Variants in ITFG1 observed in about 807,000 individuals in gnomAD.
ITFG1 encodes integrin alpha FG-GAP repeat containing 1, also known as T-cell immunomodulatory protein.
Under a neutral mutation model 81.8 loss-of-function variants are expected in ITFG1, and 34 were observed. The ratio of observed to expected loss-of-function variants is 0.42; its 90% CI spans 0.32 to 0.55. The LOEUF is 0.55. Among genes scored for constraint, ITFG1 ranks in the 20% least tolerant of loss-of-function variants. The pLI is 0.17. For missense variants in ITFG1, 672 were observed against 755.4 expected (o/e 0.89, Z 1.29); for synonymous variants, 285 against 270.6 (o/e 1.05, Z -0.52).
chr16:47,160,869 T>C (rs1332305279), intron 16 of ITFG1, among the ~76,000 whole-genome samples: 1 of 152,156 alleles, frequency 6.6e-6, no homozygotes, highest in Admixed American at 6.5e-5. Context: ...GGTCATGAAG[T>C]GGCATAAGCT....
chr16:47,364,962 A>G (rs2151586556), intron 8 of ITFG1, among the ~76,000 whole-genome samples: 2 of 152,344 alleles, frequency 1.3e-5, no homozygotes, highest in East Asian at 3.9e-4. Context: ...TATAGGCGAG[A>G]GCCACTGTAC....
chr16:47,258,784 CA>C, intron 11 of ITFG1, 44 bp from the exon 12 acceptor site: 1 of 826,684 alleles, frequency 1.2e-6, no homozygotes, highest in Non-Finnish European at 1.9e-6. Flanking sequence ...ACTATTAGAC[CA>C]ACTAAAAAAA....
At chr16:47,208,804 T>A (rs562622156) in intron 14 of ITFG1, among the ~76,000 whole-genome samples, 5 of 152,212 alleles carry the variant, frequency 3.3e-5, no homozygotes, top group Admixed American at 6.5e-5. Context: ...TTAGGTTTAA[T>A]CAGTGTTATC....
At chr16:47,338,918 T>C (rs776962178) in intron 8 of ITFG1, among the ~76,000 whole-genome samples, 2 of 152,236 alleles carry the variant, frequency 1.3e-5, no homozygotes, top group Non-Finnish European at 2.9e-5. Context: ...TCTTTCTATT[T>C]GTTTTTGTAC....
intron 5 of ITFG1, among the ~76,000 whole-genome samples, chr16:47,438,028 A>G (rs112326359): frequency 6.6e-6 from 1 of 152,238 alleles, no homozygotes; most frequent in African/African-American, 2.4e-5. Flanking sequence ...GCACACCAGG[A>G]GATTACATCC....
chr16:47,207,090 A>G (rs1446685576), intron 14 of ITFG1, among the ~76,000 whole-genome samples: 1 of 150,184 alleles, frequency 6.7e-6, no homozygotes, highest in Non-Finnish European at 1.5e-5. Context: ...CTCTTATTTT[A>G]TTTTTTTTTT....
intron 8 of ITFG1, among the ~76,000 whole-genome samples, chr16:47,324,889 A>T (rs1218786974): frequency 1.3e-5 from 2 of 152,170 alleles, no homozygotes; most frequent in Admixed American, 6.6e-5. Context: ...ATAATGGGAG[A>T]CTTTAACACC....
chr16:47,245,334 A>C (rs1965988147), intron 12 of ITFG1, among the ~76,000 whole-genome samples: 1 of 151,982 alleles, frequency 6.6e-6, no homozygotes, highest in African/African-American at 2.4e-5. Context: ...GGGCAACAAG[A>C]GCAAAACTCT....
At chr16:47,342,082 C>T (rs1436882770) in intron 8 of ITFG1, among the ~76,000 whole-genome samples, 2 of 152,162 alleles carry the variant, frequency 1.3e-5, no homozygotes, top group Non-Finnish European at 2.9e-5. Flanking sequence ...GGCAGCATTA[C>T]TCTGATATCA....
chr16:47,176,548 T>C (rs1485510639), intron 14 of ITFG1, among the ~76,000 whole-genome samples: 1 of 152,202 alleles, frequency 6.6e-6, no homozygotes, highest in East Asian at 1.9e-4. Flanking sequence ...GCCAGTGGCA[T>C]TTCCTCTTAC....
intron 12 of ITFG1, among the ~76,000 whole-genome samples, chr16:47,255,912 G>A (rs946374597): frequency 2.0e-5 from 3 of 152,044 alleles, no homozygotes; most frequent in African/African-American, 4.8e-5. Context: ...CTAAAAATAC[G>A]CTGCTTTTCA....
At chr16:47,458,029 A>G (rs573014015) in intron 2 of ITFG1, among the ~76,000 whole-genome samples, 48 of 152,242 alleles carry the variant, frequency 3.2e-4, no homozygotes, top group Non-Finnish European at 5.0e-4. Flanking sequence ...CAGCCCACAC[A>G]GGGACTTTTT....
At chr16:47,277,499 TATTTATTGAAAAA>T (rs1420057771) in intron 10 of ITFG1, among the ~76,000 whole-genome samples, 1 of 152,196 alleles carries the variant, frequency 6.6e-6, no homozygotes, top group Non-Finnish European at 1.5e-5. Flanking sequence ...GAGCTGACTG[TATTTATTGAAAAA>T]ATTCCACATA....
chr16:47,170,118 T>G (rs1257545203), intron 14 of ITFG1, among the ~76,000 whole-genome samples: 2 of 152,220 alleles, frequency 1.3e-5, no homozygotes, highest in Admixed American at 6.5e-5. Context: ...GTATCAATAT[T>G]CATATGGGAT....
At chr16:47,226,227 G>A (rs1965755361) in intron 13 of ITFG1, among the ~76,000 whole-genome samples, 1 of 152,172 alleles carries the variant, frequency 6.6e-6, no homozygotes, top group South Asian at 2.1e-4. Flanking sequence ...GTGTGTGTGT[G>A]AGACCCGAGT....
intron 10 of ITFG1, among the ~76,000 whole-genome samples, chr16:47,302,694 T>G (rs948506853): frequency 6.6e-6 from 1 of 152,216 alleles, no homozygotes; most frequent in Non-Finnish European, 1.5e-5. Flanking sequence ...CCTCTCTCAT[T>G]TACACTCTTA....
intron 13 of ITFG1, among the ~76,000 whole-genome samples, chr16:47,234,619 C>T (rs1331154246): frequency 2.6e-5 from 4 of 151,732 alleles, no homozygotes; most frequent in South Asian, 2.1e-4. Flanking sequence ...ATATTCGAAC[C>T]GCAAAAAATC....
At chr16:47,183,096 C>T (rs887819064) in intron 14 of ITFG1, among the ~76,000 whole-genome samples, 3 of 152,238 alleles carry the variant, frequency 2.0e-5, no homozygotes, top group African/African-American at 4.8e-5. Flanking sequence ...GATTATATCC[C>T]GCATCTGGCT....
At chr16:47,378,490 T>C (rs1430964578) in intron 6 of ITFG1, among the ~76,000 whole-genome samples, 1 of 152,228 alleles carries the variant, frequency 6.6e-6, no homozygotes, top group Non-Finnish European at 1.5e-5. Context: ...TGGTGTTCTA[T>C]TAGTCAGAAT....
Sources: allele counts gnomAD v4.1 joint callset (sites outside exome capture counted in the v4.1 genomes callset), GRCh38; gene constraint gnomAD v4.1.1; transcripts MANE v1.5; gene names NCBI Gene and HGNC (gene_info 2026-07-23, HGNC 2026-07-21).